The following EPS15 variants were observed in gnomAD, a reference collection of about 807,000 sequenced individuals.
EPS15 encodes the protein epidermal growth factor receptor substrate 15.
Under a neutral mutation model 113.8 loss-of-function variants are expected in EPS15, and 72 were observed. The ratio of observed to expected loss-of-function variants is 0.63; its 90% confidence interval spans 0.52 to 0.77. EPS15 has a LOEUF of 0.77. Ranked by LOEUF, EPS15 falls within the 30% of genes least tolerant of loss-of-function variation. The pLI, the probability that EPS15 is intolerant of heterozygous loss-of-function variation, is 0.00. For missense variants in EPS15, 1,048 were observed against 1,045.8 expected (o/e 1.00, Z -0.03); for synonymous variants, 344 against 363.4 (o/e 0.95, Z 0.61).
chr1:51,384,442 A>C (rs1018113966), intron 21 of EPS15, among the ~76,000 whole-genome samples: 1 of 151,762 alleles, frequency 6.6e-6, no homozygotes, highest in Non-Finnish European at 1.5e-5. Context: ...CTGGGAGTAC[A>C]GGTGCATGCC....
At chr1:51,440,078 T>C (rs1209517903) in intron 12 of EPS15, among the ~76,000 whole-genome samples, 4 of 151,870 alleles carry the variant, frequency 2.6e-5, no homozygotes, top group Non-Finnish European at 4.4e-5. Context: ...TCATTGTTTA[T>C]TTGGCAGTGA....
intron 21 of EPS15, among the ~76,000 whole-genome samples, chr1:51,379,261 AG>A (rs1443939055): frequency 2.0e-5 from 3 of 152,198 alleles, no homozygotes; most frequent in African/African-American, 7.2e-5. Flanking sequence ...CTAGGACTAC[AG>A]GCGCAAGCCA....
Position 51,370,697 on chromosome 1 carries a change from C to T in EPS15, c.2120-4668G>A, listed in dbSNP as rs187185978. On this transcript the variant is annotated intron_variant, in intron 21 of 24. Transcript: ENST00000371733. ...GTGCAGTGGCATAACCTCAGCTCAC[C>T]GAAACCTCCGCCTCTTGGGTTCAAG... is the stretch of plus-strand genomic sequence containing the variant. Among the ~76,000 whole-genome samples the T allele has an allele frequency of 1.4e-3, 214 of 150,502 alleles. No individual in the cohort carries two copies. In the Middle Eastern group the frequency reaches 0.021, roughly 15 times the overall value.
At chr1:51,454,646 AAAAAG>A (rs1392496358) in intron 8 of EPS15, among the ~76,000 whole-genome samples, 1 of 152,240 alleles carries the variant, frequency 6.6e-6, no homozygotes, top group Non-Finnish European at 1.5e-5. Context: ...TCAAGGTCAT[AAAAAG>A]CAAGGCAAGA....
chr1:51,467,248 C>T (rs1654908924), intron 5 of EPS15, among the ~76,000 whole-genome samples: 1 of 152,216 alleles, frequency 6.6e-6, no homozygotes, highest in African/African-American at 2.4e-5. Flanking sequence ...AGTACAACCA[C>T]TATGGAAAGC....
chr1:51,493,023 C>G (rs575916274), intron 1 of EPS15, among the ~76,000 whole-genome samples: 3 of 149,312 alleles, frequency 2.0e-5, no homozygotes, highest in African/African-American at 7.4e-5. Flanking sequence ...ATCAGGAGTT[C>G]GAGACCATCC....
chr1:51,410,895 T>C (rs542433438), intron 13 of EPS15, among the ~76,000 whole-genome samples: 1 of 152,218 alleles, frequency 6.6e-6, no homozygotes, highest in Non-Finnish European at 1.5e-5. Flanking sequence ...TCTTTAAATA[T>C]ACTAACTTAT....
At chr1:51,477,958 G>T (rs999688979) in intron 2 of EPS15, among the ~76,000 whole-genome samples, 26 of 152,136 alleles carry the variant, frequency 1.7e-4, no homozygotes, top group African/African-American at 3.1e-4. Flanking sequence ...GTTCTGTAGA[G>T]GTCTATTAGG....
At chr1:51,516,209 G>A (rs1291835701) in intron 1 of EPS15, among the ~76,000 whole-genome samples, 1 of 152,136 alleles carries the variant, frequency 6.6e-6, no homozygotes, top group Non-Finnish European at 1.5e-5. Flanking sequence ...ATAGAACACT[G>A]TCTATAAAAC....
chr1:51,398,049 T>C (rs1648137285), intron 20 of EPS15, among the ~76,000 whole-genome samples: 1 of 151,820 alleles, frequency 6.6e-6, no homozygotes, highest in African/African-American at 2.4e-5. Context: ...ATCCACAAGA[T>C]GAAGATTTTT....
chr1:51,507,893 T>A (rs1346954450), intron 1 of EPS15, among the ~76,000 whole-genome samples: 1 of 151,618 alleles, frequency 6.6e-6, no homozygotes, highest in Non-Finnish European at 1.5e-5. Context: ...GAAAAAACAT[T>A]TAGGCCCAAC....
chr1:51,450,835 T>C lies in EPS15; in HGVS notation c.562-2700A>G, dbSNP rs148928005. ...TGGTTTAAAAAATTATGGTATACTC[T>C]ACACTGGGAAGTTAAGGTAAAAAAA... is the stretch of plus-strand genomic sequence containing the variant. On this transcript the variant is annotated intron_variant, in intron 8 of 24. Transcript: ENST00000371733. 1.6e-4 allele frequency among the ~76,000 whole-genome samples: 24 copies of C among 151,976 alleles called. 1 individual carries two copies. In the East Asian group the frequency reaches 4.6e-3, roughly 29 times the overall value.
intron 21 of EPS15, among the ~76,000 whole-genome samples, chr1:51,376,768 T>C (rs537490491): frequency 6.6e-6 from 1 of 152,262 alleles, no homozygotes; most frequent in Non-Finnish European, 1.5e-5. Context: ...GTTGTTTTCA[T>C]GCCTGCTAAC....
chr1:51,512,067 C>T (rs528092772), intron 1 of EPS15, among the ~76,000 whole-genome samples: 2 of 152,250 alleles, frequency 1.3e-5, no homozygotes, highest in East Asian at 3.9e-4. Context: ...TTTCTTCTAC[C>T]TCATTTCTAT....
chr1:51,452,264 ATATT>A (rs200314429), intron 8 of EPS15, among the ~76,000 whole-genome samples: 42 of 151,528 alleles, frequency 2.8e-4, no homozygotes, highest in Non-Finnish European at 5.3e-4. Flanking sequence ...ATATATTTAT[ATATT>A]TATTTAATTT....
chr1:51,437,984 T>C (rs1360862388), intron 12 of EPS15, among the ~76,000 whole-genome samples: 1 of 152,126 alleles, frequency 6.6e-6, no homozygotes, highest in Non-Finnish European at 1.5e-5. Flanking sequence ...AAACGGTTAT[T>C]CACAAGAATA....
intron 21 of EPS15, among the ~76,000 whole-genome samples, chr1:51,390,303 C>T (rs1647235264): frequency 1.3e-5 from 2 of 151,954 alleles, no homozygotes; most frequent in Admixed American, 6.6e-5. Context: ...ACACCTTATA[C>T]AAAAATTAAT....
chr1:51,496,856 C>G (rs539224051), intron 1 of EPS15, among the ~76,000 whole-genome samples: 1 of 152,254 alleles, frequency 6.6e-6, no homozygotes, highest in East Asian at 1.9e-4. Flanking sequence ...ACAATGTTCT[C>G]CAAGAGTTTA....
At chr1:51,511,629 G>A (rs371565477) in intron 1 of EPS15, among the ~76,000 whole-genome samples, 7 of 152,132 alleles carry the variant, frequency 4.6e-5, no homozygotes, top group South Asian at 2.1e-4. Flanking sequence ...AAGGTGTTAC[G>A]TCTAATGGAT....
Sources: gnomAD v4.1 joint callset for allele counts (sites outside exome capture counted in the v4.1 genomes callset) on GRCh38, gnomAD v4.1.1 for gene constraint, MANE v1.5 for transcripts, NCBI Gene and HGNC (gene_info 2026-07-23, HGNC 2026-07-21) for gene names.